ZSCAN4: variants seen among roughly 807,000 people sequenced by gnomAD.
The protein encoded by ZSCAN4 is zinc finger and SCAN domain-containing protein 4.
A neutral mutation model predicts 18.3 loss-of-function variants in ZSCAN4; 18 were observed. The ratio of observed to expected loss-of-function variants is 0.98; its 90% CI spans 0.68 to 1.46. The LOEUF (loss-of-function observed/expected upper bound fraction) is 1.46, where lower values mean the gene tolerates loss of function less well. Ranked by LOEUF, ZSCAN4 falls within the 40% of genes most tolerant of loss-of-function variation. The pLI is 0.00. For synonymous variants in ZSCAN4, 193 were observed against 180.3 expected (o/e 1.07, Z -0.57); for missense variants, 498 against 511.4 (o/e 0.97, Z 0.25).
the ZSCAN4 span, among the ~76,000 whole-genome samples, chr19:57,655,829 G>T: frequency 2.0e-5 from 3 of 151,436 alleles, no homozygotes; most frequent in Admixed American, 1.3e-4. Context: ...CCCCCTTACA[G>T]GGGACACCTA....
intron 2 of ZSCAN4, among the ~76,000 whole-genome samples, chr19:57,674,201 G>A (rs1984109357): frequency 6.6e-6 from 1 of 152,194 alleles, no homozygotes; most frequent in African/African-American, 2.4e-5. Context: ...GATTCAGGGA[G>A]TACATGTGCA....
chr19:57,674,656 T>C (rs941332682), intron 2 of ZSCAN4, among the ~76,000 whole-genome samples: 9 of 152,166 alleles, frequency 5.9e-5, no homozygotes, highest in African/African-American at 2.2e-4. Context: ...TTTTTTTATA[T>C]AATGATTTCT....
chr19:57,676,671 C>G, intron 3 of ZSCAN4, 130 bp downstream of exon 3: 1 of 1,031,650 alleles, frequency 9.7e-7, no homozygotes, highest in South Asian at 1.8e-5. Context: ...CACACTCTCC[C>G]ACCATTCTCA....
chr19:57,676,233 G>C, exon 3 of ZSCAN4: 1 of 1,614,052 alleles, frequency 6.2e-7, no homozygotes, highest in Non-Finnish European at 8.5e-7. Context: ...ACAAAGCCAA[G>C]GACCTGCTGT....
chr19:57,666,987 T>C (rs990381238), upstream of ZSCAN4, among the ~76,000 whole-genome samples: 2 of 152,216 alleles, frequency 1.3e-5, no homozygotes, highest in African/African-American at 4.8e-5. Flanking sequence ...AAAGGTTATT[T>C]TCCTCACTCA....
intron 3 of ZSCAN4, among the ~76,000 whole-genome samples, chr19:57,677,341 A>T (rs1291071211): frequency 6.6e-6 from 1 of 152,308 alleles, no homozygotes; most frequent in African/African-American, 2.4e-5. Context: ...GTGAGGTTGA[A>T]CAAGGCCACA....
chr19:57,675,086 C>T (rs914107512), intron 2 of ZSCAN4, among the ~76,000 whole-genome samples: 1 of 146,832 alleles, frequency 6.8e-6, no homozygotes, highest in African/African-American at 2.5e-5. Flanking sequence ...ACTGAAGTAG[C>T]TGGGTTTACA....
the ZSCAN4 span, among the ~76,000 whole-genome samples, chr19:57,657,779 C>A: frequency 6.6e-6 from 1 of 152,000 alleles, no homozygotes; most frequent in African/African-American, 2.4e-5. Context: ...CTGTGTATAT[C>A]CTCCCACATA....
chr19:57,676,290 T>A (rs763953623), exon 3 of ZSCAN4: 29 of 1,614,056 alleles, frequency 1.8e-5, no homozygotes, highest in Non-Finnish European at 2.3e-5. Flanking sequence ...GGTGCTCAAT[T>A]CATTTCAAGA....
At chr19:57,673,629 C>G (rs1214925421) in intron 2 of ZSCAN4, among the ~76,000 whole-genome samples, 1 of 152,140 alleles carries the variant, frequency 6.6e-6, no homozygotes, top group Non-Finnish European at 1.5e-5. Context: ...GAGACCCTGT[C>G]TCAAAATAAA....
intron 2 of ZSCAN4, among the ~76,000 whole-genome samples, chr19:57,671,808 G>A (rs561220868): frequency 5.3e-5 from 8 of 152,314 alleles, no homozygotes; most frequent in Admixed American, 1.3e-4. Flanking sequence ...TAACTGATGC[G>A]ATCAGGGTAG....
the ZSCAN4 span, among the ~76,000 whole-genome samples, chr19:57,663,208 A>C: frequency 6.6e-6 from 1 of 151,160 alleles, no homozygotes; most frequent in Non-Finnish European, 1.5e-5. Flanking sequence ...CGGGATTGTT[A>C]TTCTTCACTT....
At chr19:57,666,407 C>T (rs1238778379), upstream of ZSCAN4, among the ~76,000 whole-genome samples, 6 of 152,192 alleles carry the variant, frequency 3.9e-5, no homozygotes, top group Admixed American at 1.3e-4. Flanking sequence ...CGGCCACCTA[C>T]GGGAGGTGCA....
At chr19:57,665,645 C>T (rs1395081062), upstream of ZSCAN4, among the ~76,000 whole-genome samples, 4 of 152,186 alleles carry the variant, frequency 2.6e-5, no homozygotes, top group African/African-American at 9.6e-5. Flanking sequence ...CAAGGCCGGG[C>T]GCGGTGGCTC....
At chr19:57,661,479 T>A in the ZSCAN4 span, among the ~76,000 whole-genome samples, 16 of 152,192 alleles carry the variant, frequency 1.1e-4, no homozygotes, top group African/African-American at 2.9e-4. Flanking sequence ...CCAACACGTC[T>A]GTCTCCACAG....
At chr19:57,668,649 G>A (rs1983921509), upstream of ZSCAN4, among the ~76,000 whole-genome samples, 1 of 152,172 alleles carries the variant, frequency 6.6e-6, no homozygotes, top group Non-Finnish European at 1.5e-5. Flanking sequence ...GGGAGGGAGA[G>A]TGCAGGGAAG....
chr19:57,678,991 CT>C, exon 5 of ZSCAN4: 1 of 1,368,742 alleles, frequency 7.3e-7, no homozygotes, highest in Non-Finnish European at 9.6e-7. Context: ...AAGATATAAT[CT>C]CCTGATTATG....
exon 2 of ZSCAN4, chr19:57,670,311 T>A (rs1051527815): frequency 3.3e-5 from 5 of 152,250 alleles, no homozygotes; most frequent in African/African-American, 1.2e-4. Context: ...ATTCCATCAG[T>A]AATTCAATCA....
At chr19:57,665,699 C>T (rs1262257583), upstream of ZSCAN4, among the ~76,000 whole-genome samples, 3 of 152,070 alleles carry the variant, frequency 2.0e-5, no homozygotes, top group Non-Finnish European at 4.4e-5. Context: ...GCGGGTGGAT[C>T]ACCAGATCAG....
Sources: allele counts gnomAD v4.1 joint callset (sites outside exome capture counted in the v4.1 genomes callset), GRCh38; gene constraint gnomAD v4.1.1; transcripts MANE v1.5; gene names NCBI Gene and HGNC (gene_info 2026-07-23, HGNC 2026-07-21).